The following SSH1 variants were observed in gnomAD, a reference collection of about 807,000 sequenced individuals.
SSH1 encodes the protein slingshot protein phosphatase 1, also known as protein phosphatase Slingshot homolog 1.
Under a neutral mutation model 79.7 loss-of-function variants are expected in SSH1, and 43 were observed. That is an observed-to-expected ratio of 0.54 (90% CI 0.42 to 0.70). SSH1 has a LOEUF of 0.70. SSH1 is among the 30% of genes least tolerant of loss of function. SSH1 has a pLI of 0.00. For synonymous variants in SSH1, 599 were observed against 538.3 expected (o/e 1.11, Z -1.56); for missense variants, 1,206 against 1,358.8 (o/e 0.89, Z 1.77).
At chr12:108,806,086 A>G (rs1323484504) in intron 9 of SSH1, among the ~76,000 whole-genome samples, 4 of 152,236 alleles carry the variant, frequency 2.6e-5, no homozygotes, top group Non-Finnish European at 5.9e-5. Flanking sequence ...TCAATGTCTC[A>G]TAGCCGATAA....
rs1416455006 is a variant in SSH1, at chr12:108,857,540, A to AGCCGCCACC, written c.-53_-45dup. 3 of 1,037,090 alleles carry AGCCGCCACC rather than the reference A, an allele frequency of 2.9e-6. No individual in the cohort carries two copies. The highest frequency in any genetic ancestry group is 1.1e-4 in the East Asian group (1 of 9,368). The allele number at this position is 1,037,090 out of a possible 1,614,324, so 64.2% of individuals were successfully genotyped here. A position where few individuals can be genotyped will look rare whatever the true frequency, so the allele number is the denominator to read the frequency against. ...GGGCGCCACAGACGTCTCGAGCTAGAGCCGCCACCGCCACCGCCGCCCGGG... is the reference window on the plus strand; with the variant it reads ...GGGCGCCACAGACGTCTCGAGCTAGAGCCGCCACCGCCGCCACCGCCACCGCCGCCCGGG... On this transcript the variant is annotated 5_prime_UTR_variant, in exon 1 of 15. Coordinates refer to ENST00000326495, the MANE Select transcript of SSH1 (RefSeq NM_018984.4). This position sits in a 1 kb window ranked among gnomAD's most constrained non-coding sequence, Gnocchi z 4.7.
At chr12:108,826,584 A>G (rs1393437663) in intron 2 of SSH1, among the ~76,000 whole-genome samples, 2 of 152,008 alleles carry the variant, frequency 1.3e-5, no homozygotes, top group Non-Finnish European at 2.9e-5. Flanking sequence ...CAGTCACAGG[A>G]TTTATGAAAA....
intron 2 of SSH1, among the ~76,000 whole-genome samples, chr12:108,825,097 A>C (rs2038263441): frequency 6.6e-6 from 1 of 152,224 alleles, no homozygotes; most frequent in Non-Finnish European, 1.5e-5. Flanking sequence ...TAATAATTTC[A>C]TAAAAGGAGG....
chr12:108,783,598 C>G lies in SSH1; in HGVS notation c.*4390G>C, dbSNP rs2036189936. 1.3e-5 allele frequency: 2 copies of G among 152,204 alleles called. No individual in the cohort carries two copies. Among genetic ancestry groups the G allele is most frequent in the Admixed American group, 1.3e-4 (2 of 15,280 alleles). 9.4% of individuals were successfully genotyped at this position (152,204 alleles called of 1,614,324 possible). A position where few individuals can be genotyped will look rare whatever the true frequency, so the allele number is the denominator to read the frequency against. On this transcript the variant is annotated 3_prime_UTR_variant, in exon 15 of 15. Transcript: ENST00000326495. Reference sequence around the variant, plus strand: ...CGGGGCCCCAGCACCTATGGCCAAACAAGAAGACGGCAGTCTCTCCAGAAC... The same window carrying G: ...CGGGGCCCCAGCACCTATGGCCAAAGAAGAAGACGGCAGTCTCTCCAGAAC...
chr12:108,781,536 T>C lies in SSH1; in HGVS notation c.*6452A>G, dbSNP rs564259183. 2.0e-5 allele frequency: 3 copies of C among 152,384 alleles called. No individual in the cohort carries two copies. The South Asian group carries it at 6.2e-4, about 32-fold the overall frequency. The allele number at this position is 152,384 out of a possible 1,614,324, so 9.4% of individuals were successfully genotyped here. ...TTATTCATCAGTCTTTTGAGTCCAG[T>C]TGAGAGACAGAGCAAGTCCAGATGA... is the stretch of plus-strand genomic sequence containing the variant. On this transcript the variant is annotated 3_prime_UTR_variant, in exon 15 of 15. Transcript: ENST00000326495.
chr12:108,852,952 T>G (rs2039074017), intron 1 of SSH1: 5 of 985,310 alleles, frequency 5.1e-6, no homozygotes, highest in South Asian at 4.7e-5. Flanking sequence ...CTATCTGGTG[T>G]TGTTACCCAG....
At chr12:108,842,390 G>A (rs2038799034) in intron 2 of SSH1, among the ~76,000 whole-genome samples, 1 of 152,180 alleles carries the variant, frequency 6.6e-6, no homozygotes, top group South Asian at 2.1e-4. Context: ...CCCTGGCTCA[G>A]GCCTCCCACC....
chr12:108,818,159 C>T, intron 4 of SSH1, 90 bp downstream of exon 4: 1 of 1,087,896 alleles, frequency 9.2e-7, no homozygotes, highest in Non-Finnish European at 1.4e-6. Flanking sequence ...GATCATGCCA[C>T]TGCACTCCAG....
rs1047327824 is a variant in SSH1, at chr12:108,834,982, A to C, written c.111-11621T>G. Reference sequence around the variant, plus strand: ...ACACAGGTTGAACCTGGCAAATAAGACTCACAGCATCATGCCACGTGCGAG... The same window carrying C: ...ACACAGGTTGAACCTGGCAAATAAGCCTCACAGCATCATGCCACGTGCGAG... On this transcript the variant is annotated intron_variant, in intron 2 of 14. Coordinates refer to ENST00000326495, the MANE Select transcript of SSH1 (RefSeq NM_018984.4). Among the ~76,000 whole-genome samples the C allele has an allele frequency of 1.4e-4, 21 of 151,926 alleles. No homozygotes were observed. The South Asian group carries it at 1.5e-3, about 11-fold the overall frequency.
At chr12:108,822,260 C>A (rs576471646) in intron 3 of SSH1, among the ~76,000 whole-genome samples, 12 of 150,832 alleles carry the variant, frequency 8.0e-5, no homozygotes, top group Middle Eastern at 3.6e-3. Flanking sequence ...CAGCCCCCAA[C>A]CTTGCTGGGA....
At chr12:108,831,006 C>G (rs1306510603) in intron 2 of SSH1, among the ~76,000 whole-genome samples, 1 of 152,052 alleles carries the variant, frequency 6.6e-6, no homozygotes. Flanking sequence ...GTCAACTCAT[C>G]TGATCTTCAC....
chr12:108,833,683 T>C (rs989958394), intron 2 of SSH1: 2 of 152,254 alleles, frequency 1.3e-5, no homozygotes, highest in Admixed American at 1.3e-4. Context: ...CCAGGGCTGT[T>C]GTATTCTCTA....
At position 108,788,360 on chromosome 12, in the gene SSH1, AGAG is replaced by A; in HGVS notation, c.2775_2777del (p.Ser927del). On this transcript the variant is annotated inframe_deletion, in exon 15 of 15. Transcript: ENST00000326495. The stretch of plus-strand genomic sequence containing the variant: ...TCCGGGTCAGGTTGGAGCTCATGGA[AGAG>A]GAGGTGGGGGTGTAGCAGATGGTCT... The A allele has an allele frequency of 2.5e-6, 4 of 1,613,158 alleles. No homozygotes were observed. The highest frequency in any genetic ancestry group is 3.4e-6 in the Non-Finnish European group (4 of 1,179,952).
chr12:108,836,889 A>G (rs761070023), intron 2 of SSH1: 1 of 533,558 alleles, frequency 1.9e-6, no homozygotes, highest in East Asian at 5.4e-5. Flanking sequence ...CATCAGACAC[A>G]CTCACACTGA....
At chr12:108,831,685 G>C (rs890168698) in intron 2 of SSH1, among the ~76,000 whole-genome samples, 2 of 152,218 alleles carry the variant, frequency 1.3e-5, no homozygotes, top group African/African-American at 4.8e-5. Context: ...AGAGGCATAA[G>C]GGGCAGGAGA....
intron 2 of SSH1, among the ~76,000 whole-genome samples, chr12:108,831,829 G>C (rs2137227034): frequency 6.6e-6 from 1 of 152,096 alleles, no homozygotes; most frequent in East Asian, 1.9e-4. Context: ...TATAAGTTTG[G>C]TTAGCGTAAA....
chr12:108,814,810 G>A (rs1459084124), intron 5 of SSH1, among the ~76,000 whole-genome samples: 2 of 152,228 alleles, frequency 1.3e-5, no homozygotes, highest in African/African-American at 4.8e-5. Context: ...AACTGAAGTC[G>A]GGGTGCCGAG....
intron 1 of SSH1, among the ~76,000 whole-genome samples, chr12:108,853,940 G>T (rs937560468): frequency 6.8e-6 from 1 of 147,740 alleles, no homozygotes; most frequent in African/African-American, 2.5e-5. Flanking sequence ...AAAAAAAAGC[G>T]TACACCAGAG....
rs1219302218 is a variant in SSH1 at position 108,782,811 on chromosome 12, C to G, written c.*5177G>C. On this transcript the variant is annotated 3_prime_UTR_variant, in exon 15 of 15. Transcript: ENST00000326495. ...CATCTTCTACTGCAAATTCACAGTA[C>G]AAAAGATACTGCCTTTAAATATATT... 2.6e-5 allele frequency: 4 copies of G among 151,948 alleles called. No individual in the cohort carries two copies. Among genetic ancestry groups the G allele is most frequent in the African/African-American group, 9.7e-5 (4 of 41,340 alleles). 9.4% of individuals were successfully genotyped at this position (151,948 alleles called of 1,614,324 possible).
Sources: gnomAD v4.1 joint callset for allele counts (sites outside exome capture counted in the v4.1 genomes callset) on GRCh38, gnomAD v4.1.1 for gene constraint, Gnocchi (gnomAD v3.1) non-coding constraint, MANE v1.5 for transcripts, NCBI Gene and HGNC (gene_info 2026-07-23, HGNC 2026-07-21) for gene names.